The following NRN1 variants were observed in gnomAD, a reference collection of about 807,000 sequenced individuals.
NRN1 encodes the protein neuritin.
A neutral mutation model predicts 15.0 loss-of-function variants in NRN1; 4 were observed. The ratio of observed to expected loss-of-function variants is 0.27; its 90% CI spans 0.13 to 0.61. NRN1 has a LOEUF of 0.61. Ranked by LOEUF, NRN1 falls within the 20% of genes least tolerant of loss-of-function variation. The probability of loss-of-function intolerance (pLI) is 0.87; values close to 1 mark genes in which losing one functional copy is unlikely to be tolerated. For missense variants in NRN1, 134 were observed against 181.9 expected (o/e 0.74, Z 1.51); for synonymous variants, 85 against 79.8 (o/e 1.07, Z -0.35).
intron 2 of NRN1, 127 bp downstream of exon 2, chr6:6,002,226 G>T: frequency 8.0e-7 from 1 of 1,251,170 alleles, no homozygotes; most frequent in Non-Finnish European, 1.1e-6. Flanking sequence ...GGAGCCAGAA[G>T]GCAAGAGTGA....
chr6:6,006,183 T>A (rs1295880808), intron 1 of NRN1, among the ~76,000 whole-genome samples: 1 of 151,976 alleles, frequency 6.6e-6, no homozygotes, highest in Non-Finnish European at 1.5e-5. Flanking sequence ...GTGCAAACGC[T>A]GCAGCTAGGA....
chr6:6,006,278 A>G (rs1431434873), intron 1 of NRN1, among the ~76,000 whole-genome samples: 3 of 152,278 alleles, frequency 2.0e-5, no homozygotes, highest in Admixed American at 2.0e-4. Context: ...TCAGCACATA[A>G]ACTTTCCAGT....
chr6:6,006,548 C>T (rs1244396462), intron 1 of NRN1, 147 bp downstream of exon 1: 10 of 711,904 alleles, frequency 1.4e-5, no homozygotes, highest in Non-Finnish European at 2.0e-5. Context: ...GCGCTAGTCC[C>T]CAGGAACTGA....
At chr6:6,003,841 GA>G in intron 1 of NRN1, 1 of 1,233,412 alleles carries the variant, frequency 8.1e-7, no homozygotes, top group Non-Finnish European at 1.0e-6. Context: ...GGGCGGGGAA[GA>G]AAGGGTGAAT....
In NRN1 at chr6:5,999,106, T is replaced by G. The variant is rs201758212; in HGVS notation, c.299A>C (p.Asn100Thr). The change falls in exon 3 of 3, where the codon AAC (asparagine) becomes ACC (threonine). Residue 100 changes from asparagine to threonine, a missense_variant. Asn to Thr is a moderately conservative substitution (Grantham distance 65). Coordinates refer to ENST00000244766, the MANE Select transcript of NRN1 (RefSeq NM_016588.3). Reference protein sequence around the residue: ...MWDKLRKESKNLNIQGSLFEL... With the variant: ...MWDKLRKESKTLNIQGSLFEL... The stretch of plus-strand genomic sequence containing the variant: ...GAATAAGCTGCCTTGGATGTTGAGG[T>G]TTTTGGATTCTTTTCTCAGTTTATC... The G allele has an allele frequency of 2.1e-5, 34 of 1,613,938 alleles. No individual in the cohort carries two copies. Among genetic ancestry groups the G allele is most frequent in the Non-Finnish European group, 2.3e-5 (27 of 1,179,982 alleles).
chr6:5,999,317 G>T, intron 2 of NRN1, 113 bp from the exon 3 acceptor site: 1 of 846,008 alleles, frequency 1.2e-6, no homozygotes, highest in Non-Finnish European at 1.9e-6. Context: ...TTCCCGGGGT[G>T]TCCCCTCCCT....
intron 1 of NRN1, chr6:6,003,561 G>A: frequency 3.6e-6 from 2 of 563,298 alleles, no homozygotes; most frequent in Non-Finnish European, 5.3e-6. Context: ...CCTGCAGAGA[G>A]CAGGCAGGGA....
upstream of NRN1, chr6:6,006,959 C>T: frequency 1.1e-5 from 1 of 90,692 alleles, no homozygotes; most frequent in Non-Finnish European, 1.9e-5. Context: ...GAGAGAGAGG[C>T]TGAGGGGGGG....
chr6:6,005,142 A>G (rs945006976), intron 1 of NRN1, among the ~76,000 whole-genome samples: 1 of 152,166 alleles, frequency 6.6e-6, no homozygotes, highest in Non-Finnish European at 1.5e-5. Flanking sequence ...TTTCCCTCCA[A>G]ACCTCTCAAA....
chr6:6,003,665 G>A, intron 1 of NRN1: 1 of 1,219,162 alleles, frequency 8.2e-7, no homozygotes, highest in Non-Finnish European at 1.0e-6. Flanking sequence ...GCCTCTGGAC[G>A]GCCAAACCCC....
rs546978201 is a variant in NRN1 at position 6,002,809 on chromosome 6, T to C, written c.56-312A>G. ...CGCTCCGTATCTTTTTCTGTTTCCA[T>C]CGCCCCCTCTTCTCACCTCCCTCAT... On this transcript the variant is annotated intron_variant, in intron 1 of 2. Transcript: ENST00000244766. The C allele has an allele frequency of 1.8e-5, 8 of 437,098 alleles. No homozygotes were observed. In the South Asian group the frequency reaches 2.0e-4, roughly 11 times the overall value. The allele number at this position is 437,098 out of a possible 1,614,324, so 27.1% of individuals were successfully genotyped here.
chr6:6,001,343 A>G (rs1757939747), intron 2 of NRN1, among the ~76,000 whole-genome samples: 1 of 152,168 alleles, frequency 6.6e-6, no homozygotes, highest in African/African-American at 2.4e-5. Flanking sequence ...GTTTTGAAAC[A>G]GTTATTTTGG....
At chr6:6,007,019 A>G (rs1758129256), upstream of NRN1, 3 of 472,638 alleles carry the variant, frequency 6.3e-6, no homozygotes, top group Admixed American at 3.7e-5. Flanking sequence ...GAGGAAGTAC[A>G]GCCTCACGCC....
At chr6:6,002,623 C>T in intron 1 of NRN1, 126 bp from the exon 2 acceptor site, 2 of 1,264,822 alleles carry the variant, frequency 1.6e-6, no homozygotes, top group South Asian at 1.4e-5. Flanking sequence ...AGCGCCCAGC[C>T]TCGGGGCTCG....
At chr6:5,999,402 G>A (rs370482154) in intron 2 of NRN1, among the ~76,000 whole-genome samples, 198 bp from the exon 3 acceptor site, 1 of 152,224 alleles carries the variant, frequency 6.6e-6, no homozygotes, top group African/African-American at 2.4e-5. Context: ...CCCCAGAAGC[G>A]GCTGTCTAAA....
chr6:5,998,124 C>G lies in NRN1; in HGVS notation c.*852G>C, dbSNP rs920967120. 6.6e-6 allele frequency: 1 copy of G among 151,438 alleles called. No individual in the cohort carries two copies. The highest frequency in any genetic ancestry group is 2.4e-5 in the African/African-American group (1 of 41,138). The allele number at this position is 151,438 out of a possible 1,614,324, so 9.4% of individuals were successfully genotyped here. A position where few individuals can be genotyped will look rare whatever the true frequency, so the allele number is the denominator to read the frequency against. ...CTCTTTTTTTTTTAAAATCAAGGCT[C>G]TTTTATGTCAAAATCTTTTTTTAGC... On this transcript the variant is annotated 3_prime_UTR_variant, in exon 3 of 3. Coordinates refer to ENST00000244766, the MANE Select transcript of NRN1 (RefSeq NM_016588.3).
intron 1 of NRN1, chr6:6,003,870 CA>C (rs1230810884): frequency 6.5e-6 from 8 of 1,231,808 alleles, no homozygotes; most frequent in Non-Finnish European, 8.1e-6. Flanking sequence ...TCGAAATCCG[CA>C]CTGGCGCCCA....
intron 1 of NRN1, chr6:6,003,137 T>C: frequency 1.7e-6 from 2 of 1,167,566 alleles, no homozygotes; most frequent in African/African-American, 1.6e-5. Context: ...GTTACCGAAA[T>C]GGATTGTTTC....
Position 6,002,349 on chromosome 6 carries a change from T to G in NRN1, c.200+4A>C, listed in dbSNP as rs767819029. ...AAGTCCAGCCGGCCAGAGAGGACAC[T>G]TACGTGCACACGGTCTTGATGTTCG... On this transcript the variant is annotated splice_donor_region_variant and intron_variant, in intron 2 of 2. Transcript: ENST00000244766. 40 of 1,613,974 alleles carry G rather than the reference T, an allele frequency of 2.5e-5. No individual in the cohort carries two copies. The highest frequency in any genetic ancestry group is 3.3e-5 in the Non-Finnish European group (39 of 1,179,954).
Sources: gnomAD v4.1 joint callset for allele counts (sites outside exome capture counted in the v4.1 genomes callset) on GRCh38, gnomAD v4.1.1 for gene constraint, MANE v1.5 for transcripts, NCBI Gene and HGNC (gene_info 2026-07-23, HGNC 2026-07-21) for gene names.